FGF13: variants seen among roughly 807,000 people sequenced by gnomAD.
The protein encoded by FGF13 is fibroblast growth factor 13, also known as fibroblast growth factor homologous factor 2.
A neutral mutation model predicts 19.5 loss-of-function variants in FGF13; 2 were observed. The observed-to-expected ratio is 0.10, with a 90% confidence interval of 0.04 to 0.32. The LOEUF is 0.32. Among genes scored for constraint, FGF13 ranks in the 10% least tolerant of loss-of-function variants. FGF13 has a pLI of 1.00. For synonymous variants in FGF13, 72 were observed against 76.9 expected, an observed-to-expected ratio of 0.94 and a Z score of 0.33; for missense variants, 113 against 192.7, an observed-to-expected ratio of 0.59 and a Z score of 2.45.
At chrX:138,876,189 C>A (rs2091388392) in intron 1 of FGF13, among the ~76,000 whole-genome samples, 1 of 112,384 alleles carries the variant, frequency 8.9e-6, no homozygotes, top group South Asian at 3.7e-4. Flanking sequence ...TTCTTTCCAT[C>A]TCTCAACAAT....
intron 3 of FGF13, among the ~76,000 whole-genome samples, chrX:138,667,290 GAAAGAC>G (rs1237198113): frequency 9.3e-6 from 1 of 107,997 alleles, no homozygotes. Context: ...GAGAGAGAAA[GAAAGAC>G]AAAGACAGAG....
chrX:138,978,474 A>G lies in FGF13; in HGVS notation c.-112-113824T>C, dbSNP rs1047562816. On this transcript the variant is annotated intron_variant, in intron 1 of 2. Coordinates refer to the FGF13 transcript ENST00000421460. ...AGACGGGGTTTCACCGTGTTAGCCA[A>G]GATGGTCTCGATCTCCTGACCTCGT... Among the ~76,000 whole-genome samples the G allele has an allele frequency of 2.5e-3, 271 of 110,273 alleles. 1 individual carries two copies. The highest frequency in any genetic ancestry group is 7.4e-3 in the African/African-American group (223 of 30,325).
At chrX:138,978,333 G>T (rs902467590) in intron 1 of FGF13, among the ~76,000 whole-genome samples, 6 of 99,712 alleles carry the variant, frequency 6.0e-5, no homozygotes, top group Non-Finnish European at 1.2e-4. Context: ...CGCGATCTCG[G>T]CTCACTGCAA....
At chrX:139,019,533 G>C (rs2092168387) in intron 1 of FGF13, among the ~76,000 whole-genome samples, 1 of 111,447 alleles carries the variant, frequency 9.0e-6, no homozygotes, top group Non-Finnish European at 1.9e-5. Context: ...GAAAAGAAGA[G>C]AGAAAAGACT....
At chrX:139,120,850 C>A (rs1429610519) in intron 1 of FGF13, among the ~76,000 whole-genome samples, 1 of 112,432 alleles carries the variant, frequency 8.9e-6, no homozygotes, top group Non-Finnish European at 1.9e-5. Flanking sequence ...TGAAGTCAGG[C>A]CTAAAGTGAC....
chrX:138,951,299 C>T (rs1474706486), intron 1 of FGF13, among the ~76,000 whole-genome samples: 1 of 111,708 alleles, frequency 9.0e-6, no homozygotes, highest in African/African-American at 3.3e-5. Context: ...ATGCTGTAGT[C>T]GTTAAAATGT....
At chrX:138,693,217 G>A (rs1344816824) in intron 3 of FGF13, among the ~76,000 whole-genome samples, 1 of 111,933 alleles carries the variant, frequency 8.9e-6, no homozygotes. Flanking sequence ...AATAATCTGT[G>A]ATGTAGGAAA....
chrX:138,741,940 C>T (rs1293039285), upstream of FGF13, among the ~76,000 whole-genome samples: 1 of 111,896 alleles, frequency 8.9e-6, no homozygotes, highest in Non-Finnish European at 1.9e-5. Flanking sequence ...CACTACCAGA[C>T]TGGGTTCTTG....
At chrX:139,153,002 T>C (rs1378913917) in intron 1 of FGF13, among the ~76,000 whole-genome samples, 1 of 111,312 alleles carries the variant, frequency 9.0e-6, no homozygotes, top group Non-Finnish European at 1.9e-5. Context: ...AGTAGGCAAT[T>C]GGAGTCTAGC....
intron 3 of FGF13, among the ~76,000 whole-genome samples, chrX:138,676,811 G>A (rs1048558628): frequency 5.4e-5 from 6 of 112,064 alleles, no homozygotes; most frequent in Non-Finnish European, 1.1e-4. Context: ...CTCCCCCATC[G>A]CTCAGGTCCT....
chrX:138,941,448 T>G (rs1439900918), intron 1 of FGF13, among the ~76,000 whole-genome samples: 3 of 111,658 alleles, frequency 2.7e-5, no homozygotes, highest in African/African-American at 6.5e-5. Flanking sequence ...GCAATCTCAT[T>G]CACAATTGCC....
intron 1 of FGF13, among the ~76,000 whole-genome samples, chrX:139,024,697 G>A (rs1219894653): frequency 2.7e-5 from 3 of 111,296 alleles, no homozygotes; most frequent in South Asian, 3.8e-4. Context: ...AATGGAACCT[G>A]GCTCTTCTCT....
intron 1 of FGF13, among the ~76,000 whole-genome samples, chrX:139,171,450 C>T (rs940360862): frequency 2.7e-5 from 3 of 111,335 alleles, no homozygotes; most frequent in Non-Finnish European, 5.7e-5. Flanking sequence ...CTCTTGATGG[C>T]TTCTGATGGG....
At chrX:138,740,146 A>G (rs1016033586), upstream of FGF13, among the ~76,000 whole-genome samples, 3 of 111,931 alleles carry the variant, frequency 2.7e-5, no homozygotes, top group African/African-American at 9.7e-5. Context: ...TCAAATAGAA[A>G]TGGAAATGTA....
intron 3 of FGF13, among the ~76,000 whole-genome samples, chrX:138,650,510 C>T (rs1245302321): frequency 2.7e-5 from 3 of 111,703 alleles, no homozygotes; most frequent in Admixed American, 9.5e-5. Flanking sequence ...ACATACAAGT[C>T]GTACATGTTA....
At chrX:138,873,777 G>C (rs1272555220) in intron 1 of FGF13, among the ~76,000 whole-genome samples, 1 of 110,911 alleles carries the variant, frequency 9.0e-6, no homozygotes, top group Non-Finnish European at 1.9e-5. Flanking sequence ...TTCCCGACTG[G>C]ATTAAGAAAA....
At chrX:138,664,066 GCT>G (rs1413970932) in intron 3 of FGF13, among the ~76,000 whole-genome samples, 1 of 111,901 alleles carries the variant, frequency 8.9e-6, no homozygotes, top group East Asian at 2.8e-4. Context: ...CAAACAGGCA[GCT>G]GCCACTACAG....
chrX:138,800,985 C>A (rs1402443318), intron 3 of FGF13, among the ~76,000 whole-genome samples: 2 of 112,026 alleles, frequency 1.8e-5, no homozygotes, highest in South Asian at 3.7e-4. Flanking sequence ...GTTCCTGTAA[C>A]CTTTTATCAA....
At chrX:139,054,861 AGTGTTGTGTT>A (rs57605613) in intron 1 of FGF13, among the ~76,000 whole-genome samples, 53 of 81,954 alleles carry the variant, frequency 6.5e-4, no homozygotes, top group African/African-American at 2.5e-3. Context: ...TATATTCCTA[AGTGTTGTGTT>A]GTGTTGTGTT....
Sources: allele counts gnomAD v4.1 joint callset (sites outside exome capture counted in the v4.1 genomes callset), GRCh38; gene constraint gnomAD v4.1.1; transcripts MANE v1.5; gene names NCBI Gene and HGNC (gene_info 2026-07-23, HGNC 2026-07-21).